The following AIG1 variants were observed in gnomAD, a reference collection of about 807,000 sequenced individuals.
AIG1 encodes the protein androgen induced 1.
AIG1 carries 23 observed loss-of-function variants against 31.4 expected under a neutral mutation model. The ratio of observed to expected loss-of-function variants is 0.73; its 90% CI spans 0.53 to 1.04. AIG1 has a LOEUF of 1.04. Ranked by LOEUF, AIG1 falls within the 50% of genes least tolerant of loss-of-function variation. The pLI is 0.00. For synonymous variants in AIG1, 100 were observed against 110.5 expected, an observed-to-expected ratio of 0.90 and a Z score of 0.60; for missense variants, 274 against 295.0, an observed-to-expected ratio of 0.93 and a Z score of 0.52.
intron 4 of AIG1, among the ~76,000 whole-genome samples, chr6:143,309,941 G>A (rs745467307): frequency 6.6e-6 from 1 of 151,870 alleles, no homozygotes; most frequent in Non-Finnish European, 1.5e-5. Flanking sequence ...AATTCACCAA[G>A]GGGACATAAT....
At position 143,148,819 on chromosome 6, in the gene AIG1, C is replaced by CA. The variant is rs751168065; in HGVS notation, c.297+11840dup. Among the ~76,000 whole-genome samples, 1,311 of 138,108 alleles carry CA rather than the reference C, an allele frequency of 9.5e-3. 7 individuals carry two copies. The highest frequency in any genetic ancestry group is 0.015 in the Non-Finnish European group (938 of 63,268). The allele number at this position is 138,108 out of a possible 152,430, so 90.6% of individuals were successfully genotyped here. A position where few individuals can be genotyped will look rare whatever the true frequency, so the allele number is the denominator to read the frequency against. Reference sequence around the variant, plus strand: ...GGCAACAAGAGCATGACTATGTCTCCAAAAAAAAAAAGAGAGAGAGAGAAA... The same window carrying CA: ...GGCAACAAGAGCATGACTATGTCTCCAAAAAAAAAAAAGAGAGAGAGAGAAA... On this transcript the variant is annotated intron_variant, in intron 2 of 5. Coordinates refer to ENST00000357847, the MANE Select transcript of AIG1 (RefSeq NM_016108.4).
At chr6:143,129,664 CT>C (rs1174055491) in intron 1 of AIG1, among the ~76,000 whole-genome samples, 10 of 151,990 alleles carry the variant, frequency 6.6e-5, no homozygotes, top group Non-Finnish European at 1.5e-4. Context: ...CTGTTTTTCC[CT>C]TTTTTTCATG....
chr6:143,230,073 A>G (rs923976501), intron 3 of AIG1, among the ~76,000 whole-genome samples: 1 of 152,182 alleles, frequency 6.6e-6, no homozygotes, highest in African/African-American at 2.4e-5. Context: ...ATTGGCTTCT[A>G]TAAGTCTAAA....
At chr6:143,116,166 G>A (rs914076996) in intron 1 of AIG1, among the ~76,000 whole-genome samples, 1 of 152,180 alleles carries the variant, frequency 6.6e-6, no homozygotes, top group Admixed American at 6.5e-5. Flanking sequence ...GCACTGGTAG[G>A]TATTTGGAGG....
intron 2 of AIG1, among the ~76,000 whole-genome samples, chr6:143,154,625 C>A (rs1286182289): frequency 1.3e-5 from 2 of 152,154 alleles, no homozygotes; most frequent in South Asian, 4.1e-4. Context: ...TGATACCGCT[C>A]CCACCTCCAC....
In AIG1 at chr6:143,256,738, A is replaced by T. The variant is rs972712505; in HGVS notation, c.400-27372A>T. Reference sequence around the variant, plus strand: ...CATTGGCAGTTTGTAGCAAATTCTTATTTTCTTTGTTTGGCACTCTCTAGA... The same window carrying T: ...CATTGGCAGTTTGTAGCAAATTCTTTTTTTCTTTGTTTGGCACTCTCTAGA... On this transcript the variant is annotated intron_variant, in intron 3 of 5. Transcript: ENST00000357847. The surrounding 1 kb of genome is among the most constrained non-coding windows in gnomAD (Gnocchi z 4.6). Among the ~76,000 whole-genome samples, 2 of 152,228 alleles carry T rather than the reference A, an allele frequency of 1.3e-5. No homozygotes were observed. Among genetic ancestry groups the T allele is most frequent in the East Asian group, 3.9e-4 (2 of 5,180 alleles).
At chr6:143,202,784 C>T (rs568783861) in intron 3 of AIG1, among the ~76,000 whole-genome samples, 3 of 152,234 alleles carry the variant, frequency 2.0e-5, no homozygotes, top group Non-Finnish European at 2.9e-5. Flanking sequence ...CTTCACTTCC[C>T]GGGAGAGGAA....
At chr6:143,215,535 A>G (rs897638171) in intron 3 of AIG1, among the ~76,000 whole-genome samples, 1 of 152,202 alleles carries the variant, frequency 6.6e-6, no homozygotes, top group Non-Finnish European at 1.5e-5. Flanking sequence ...AACTATCAAG[A>G]GGACTGTTTA....
intron 3 of AIG1, among the ~76,000 whole-genome samples, chr6:143,283,591 A>G (rs1797493079): frequency 6.6e-6 from 1 of 152,272 alleles, no homozygotes; most frequent in South Asian, 2.1e-4. Flanking sequence ...GGTTAAATAA[A>G]TCTTAGTATA....
At chr6:143,111,349 C>T (rs183017216) in intron 1 of AIG1, among the ~76,000 whole-genome samples, 216 of 152,300 alleles carry the variant, frequency 1.4e-3, no homozygotes, top group Admixed American at 4.6e-3. Flanking sequence ...CAAGTTCTTT[C>T]GACATTTGAG....
At chr6:143,130,958 A>C (rs967092991) in intron 1 of AIG1, among the ~76,000 whole-genome samples, 1 of 152,168 alleles carries the variant, frequency 6.6e-6, no homozygotes, top group Admixed American at 6.5e-5. Flanking sequence ...TCTCAGTTAT[A>C]AGTGAGAACA....
chr6:143,337,353 C>T (rs910789323), intron 5 of AIG1, among the ~76,000 whole-genome samples: 9 of 152,258 alleles, frequency 5.9e-5, no homozygotes, highest in Admixed American at 2.0e-4. Context: ...CTGGCATCTA[C>T]TGTGGAGGTT....
chr6:143,107,836 T>C (rs1241510541), intron 1 of AIG1, among the ~76,000 whole-genome samples: 1 of 152,226 alleles, frequency 6.6e-6, no homozygotes, highest in Non-Finnish European at 1.5e-5. Flanking sequence ...ACTTCATTTA[T>C]CTTTTGTGTG....
chr6:143,247,217 C>T (rs559101846), intron 3 of AIG1, among the ~76,000 whole-genome samples: 15 of 152,300 alleles, frequency 9.8e-5, no homozygotes, highest in East Asian at 7.7e-4. Flanking sequence ...CCACAACCTC[C>T]GCCTCCTGGG....
chr6:143,279,354 AC>A lies in AIG1; in HGVS notation c.400-4755del, dbSNP rs1191690163. On this transcript the variant is annotated intron_variant, in intron 3 of 5. Coordinates refer to ENST00000357847, the MANE Select transcript of AIG1 (RefSeq NM_016108.4). This position sits in a 1 kb window ranked among gnomAD's most constrained non-coding sequence, Gnocchi z 5.4. The stretch of plus-strand genomic sequence containing the variant: ...TACAAAGAATAATACTAAGCTTCAC[AC>A]ATGTGTGAGAACCTGCGGGTCTGAG... 6.6e-6 allele frequency among the ~76,000 whole-genome samples: 1 copy of A among 152,194 alleles called. No homozygotes were observed. Among genetic ancestry groups the A allele is most frequent in the Non-Finnish European group, 1.5e-5 (1 of 68,028 alleles).
At chr6:143,106,968 A>G (rs573240421) in intron 1 of AIG1, among the ~76,000 whole-genome samples, 10 of 152,174 alleles carry the variant, frequency 6.6e-5, no homozygotes, top group Admixed American at 1.3e-4. Context: ...CTCATGACTA[A>G]TCACTTCCCA....
intron 3 of AIG1, among the ~76,000 whole-genome samples, chr6:143,226,866 C>T (rs1583561978): frequency 6.6e-6 from 1 of 152,050 alleles, no homozygotes; most frequent in African/African-American, 2.4e-5. Flanking sequence ...TTATGAAGAA[C>T]CTAGTGCCCT....
chr6:143,086,780 C>T (rs757924704), intron 1 of AIG1, among the ~76,000 whole-genome samples: 9 of 152,150 alleles, frequency 5.9e-5, no homozygotes, highest in Non-Finnish European at 1.2e-4. Flanking sequence ...GCTATACTTT[C>T]AAGAAAGTTG....
chr6:143,288,592 T>C lies in AIG1; in HGVS notation c.515+4367T>C, dbSNP rs183512371. On this transcript the variant is annotated intron_variant, in intron 4 of 5. Coordinates refer to ENST00000357847, the MANE Select transcript of AIG1 (RefSeq NM_016108.4). The surrounding 1 kb of genome is among the most constrained non-coding windows in gnomAD (Gnocchi z 4.4). ...TCCAAATCTCATTTCCCCAAATGTG[T>C]TCACTGAATAACTTTCCAACACAGA... Among the ~76,000 whole-genome samples, 11 of 152,344 alleles carry C rather than the reference T, an allele frequency of 7.2e-5. No individual in the cohort carries two copies. Among genetic ancestry groups the C allele is most frequent in the African/African-American group, 7.2e-5 (3 of 41,570 alleles).
Sources: gnomAD v4.1 joint callset for allele counts (sites outside exome capture counted in the v4.1 genomes callset) on GRCh38, gnomAD v4.1.1 for gene constraint, Gnocchi (gnomAD v3.1) non-coding constraint, MANE v1.5 for transcripts, NCBI Gene and HGNC (gene_info 2026-07-23, HGNC 2026-07-21) for gene names.